Variants in GPC6 observed in about 807,000 individuals in gnomAD.
The protein encoded by GPC6 is glypican-6.
In GPC6, 14 loss-of-function variants were observed where a neutral mutation model predicts 55.2. That is an observed-to-expected ratio of 0.25 (90% confidence interval 0.17 to 0.40). The LOEUF is 0.40. GPC6 is among the 10% of genes least tolerant of loss of function. GPC6 has a pLI of 1.00. For synonymous variants in GPC6, 278 were observed against 259.6 expected (o/e 1.07, Z -0.68); for missense variants, 641 against 708.5 (o/e 0.90, Z 1.08).
chr13:93,411,187 C>T (rs1876481461), intron 1 of GPC6, among the ~76,000 whole-genome samples: 1 of 152,202 alleles, frequency 6.6e-6, no homozygotes, highest in Non-Finnish European at 1.5e-5. Flanking sequence ...AGAGATTAAT[C>T]CATCTGCTAA....
intron 3 of GPC6, among the ~76,000 whole-genome samples, chr13:93,885,830 G>A (rs1033152303): frequency 2.6e-5 from 4 of 151,836 alleles, no homozygotes; most frequent in African/African-American, 4.8e-5. Context: ...TCTTTTAACA[G>A]TAAGTAAAAT....
chr13:93,951,243 G>A (rs913731182), intron 3 of GPC6, among the ~76,000 whole-genome samples: 13 of 152,044 alleles, frequency 8.6e-5, no homozygotes, highest in Non-Finnish European at 1.3e-4. Context: ...CTTCCTGCTT[G>A]ATGCCTTCCT....
intron 5 of GPC6, among the ~76,000 whole-genome samples, chr13:94,297,740 A>G (rs558876685): frequency 2.6e-5 from 4 of 152,298 alleles, no homozygotes; most frequent in East Asian, 1.9e-4. Context: ...ATTGAGGCCA[A>G]TGAAAAGTGG....
intron 1 of GPC6, among the ~76,000 whole-genome samples, chr13:93,384,830 C>A (rs1445287434): frequency 2.0e-5 from 3 of 152,130 alleles, no homozygotes; most frequent in Non-Finnish European, 4.4e-5. Flanking sequence ...GAAAAACTGT[C>A]TTTTTTCAGC....
chr13:94,222,961 C>G (rs1182449009), intron 4 of GPC6, among the ~76,000 whole-genome samples: 1 of 152,008 alleles, frequency 6.6e-6, no homozygotes, highest in Non-Finnish European at 1.5e-5. Context: ...AGAGATAGCC[C>G]CTCTAACTGA....
chr13:94,255,781 C>G (rs1891485648), intron 4 of GPC6, among the ~76,000 whole-genome samples: 1 of 152,078 alleles, frequency 6.6e-6, no homozygotes, highest in Admixed American at 6.5e-5. Flanking sequence ...AGGATTGAGA[C>G]CTGGGCATCA....
intron 4 of GPC6, among the ~76,000 whole-genome samples, chr13:94,099,410 A>G (rs911278871): frequency 4.6e-5 from 7 of 152,096 alleles, no homozygotes; most frequent in African/African-American, 1.7e-4. Flanking sequence ...ACAGTTATTC[A>G]TGGGTATTTT....
intron 2 of GPC6, among the ~76,000 whole-genome samples, chr13:93,657,074 A>G (rs148217459): frequency 0.018 from 2,758 of 152,100 alleles, 34 homozygotes; most frequent in Non-Finnish European, 0.03. Context: ...CTACCAAAAC[A>G]TTTTTCATGG....
At chr13:93,569,354 T>C (rs1481005487) in intron 2 of GPC6, among the ~76,000 whole-genome samples, 1 of 152,184 alleles carries the variant, frequency 6.6e-6, no homozygotes, top group Non-Finnish European at 1.5e-5. Context: ...TTTAACTTAT[T>C]TGAGCCTTAG....
intron 1 of GPC6, among the ~76,000 whole-genome samples, chr13:93,465,521 C>A (rs888938698): frequency 6.6e-6 from 1 of 152,144 alleles, no homozygotes; most frequent in African/African-American, 2.4e-5. Context: ...TTGCTAGATT[C>A]AAACTTTTTT....
intron 2 of GPC6, among the ~76,000 whole-genome samples, chr13:93,612,500 A>AACACACAC (rs3138575): frequency 0.068 from 9,508 of 139,226 alleles, 351 homozygotes; most frequent in Middle Eastern, 0.11. Context: ...CTCCGTCTAA[A>AACACACAC]ACACACACAC....
intron 1 of GPC6, among the ~76,000 whole-genome samples, chr13:93,544,902 G>A (rs934438723): frequency 5.9e-5 from 9 of 152,086 alleles, no homozygotes; most frequent in Non-Finnish European, 1.2e-4. Flanking sequence ...TGCCTTACTT[G>A]AGGTTTCCCG....
At chr13:93,336,570 C>G (rs1880052196) in intron 1 of GPC6, among the ~76,000 whole-genome samples, 1 of 152,198 alleles carries the variant, frequency 6.6e-6, no homozygotes, top group Non-Finnish European at 1.5e-5. Context: ...GATTTCAATG[C>G]AGTCCATCCT....
intron 4 of GPC6, among the ~76,000 whole-genome samples, chr13:94,042,001 G>C (rs773629436): frequency 6.6e-6 from 1 of 151,786 alleles, no homozygotes; most frequent in Non-Finnish European, 1.5e-5. Flanking sequence ...ATAATCCCCA[G>C]TGTTGAAGGT....
chr13:94,097,365 G>T (rs977403292), intron 4 of GPC6, among the ~76,000 whole-genome samples: 1 of 152,104 alleles, frequency 6.6e-6, no homozygotes, highest in Middle Eastern at 3.4e-3. Flanking sequence ...AAATTAGCTG[G>T]GCGTGGTGGC....
chr13:93,572,122 C>G lies in GPC6; in HGVS notation c.319+26701C>G, dbSNP rs1876435415. Among the ~76,000 whole-genome samples the G allele has an allele frequency of 2.0e-5, 3 of 152,218 alleles. 1 individual carries two copies. Among genetic ancestry groups the G allele is most frequent in the Middle Eastern group, 6.8e-3 (2 of 294 alleles). On this transcript the variant is annotated intron_variant, in intron 2 of 8. Transcript: ENST00000377047. ...TCCCAGACTTACACCATTTGTTCATCATAAATGTGTACCAGATTCAATTCA... is the reference window on the plus strand; with the variant it reads ...TCCCAGACTTACACCATTTGTTCATGATAAATGTGTACCAGATTCAATTCA...
chr13:93,596,878 T>C (rs1317264097), intron 2 of GPC6, among the ~76,000 whole-genome samples: 1 of 149,214 alleles, frequency 6.7e-6, no homozygotes, highest in Non-Finnish European at 1.5e-5. Context: ...CGTGTGATTA[T>C]GGAGCCTAAG....
In GPC6 at chr13:94,113,967, A is replaced by T. The variant is rs575330322; in HGVS notation, c.877+86073A>T. Among the ~76,000 whole-genome samples the T allele has an allele frequency of 2.0e-5, 3 of 146,532 alleles. No individual in the cohort carries two copies. The East Asian group carries it at 6.3e-4, about 31-fold the overall frequency. ...AACCTGGGAGACAGAGGTTGCAGTGAGATCTCGCCACTGCACTCCAGCCTG... is the reference window on the plus strand; with the variant it reads ...AACCTGGGAGACAGAGGTTGCAGTGTGATCTCGCCACTGCACTCCAGCCTG... On this transcript the variant is annotated intron_variant, in intron 4 of 8. Transcript: ENST00000377047.
intron 2 of GPC6, among the ~76,000 whole-genome samples, chr13:93,799,705 T>G (rs1470178992): frequency 2.0e-5 from 3 of 152,188 alleles, no homozygotes; most frequent in African/African-American, 7.2e-5. Context: ...TGCCTATGAT[T>G]AAGTGTTTAT....
Sources: allele counts gnomAD v4.1 joint callset (sites outside exome capture counted in the v4.1 genomes callset), GRCh38; gene constraint gnomAD v4.1.1; transcripts MANE v1.5; gene names NCBI Gene and HGNC (gene_info 2026-07-23, HGNC 2026-07-21).